Variants in TCF7L1 observed in about 807,000 individuals in gnomAD.
The protein encoded by TCF7L1 is transcription factor 7 like 1.
In TCF7L1, 18 loss-of-function variants were observed where a neutral mutation model predicts 63.7. That is an observed-to-expected ratio of 0.28 (90% CI 0.20 to 0.42). The LOEUF (loss-of-function observed/expected upper bound fraction) is 0.42, where lower values mean the gene tolerates loss of function less well. Among genes scored for constraint, TCF7L1 ranks in the 10% least tolerant of loss-of-function variants. TCF7L1 has a pLI of 1.00. For synonymous variants in TCF7L1, 355 were observed against 340.9 expected, an observed-to-expected ratio of 1.04 and a Z score of -0.46; for missense variants, 654 against 779.3, an observed-to-expected ratio of 0.84 and a Z score of 1.91.
rs545525498 is a variant in TCF7L1 at position 85,299,288 on chromosome 2, A to G, written c.526-3196A>G. 3.1e-3 allele frequency among the ~76,000 whole-genome samples: 473 copies of G among 152,116 alleles called. 1 individual carries two copies. The highest frequency in any genetic ancestry group is 0.011 in the African/African-American group (456 of 41,512). On this transcript the variant is annotated intron_variant, in intron 4 of 11. Coordinates refer to ENST00000282111, the MANE Select transcript of TCF7L1 (RefSeq NM_031283.3). ...GCAGAGGCTGGGCGTGGTGGCTCAC[A>G]CCTGTAATCCCAGCACTTTGGGAGG...
chr2:85,198,904 A>G (rs921172523), intron 3 of TCF7L1, among the ~76,000 whole-genome samples: 2 of 152,336 alleles, frequency 1.3e-5, no homozygotes, highest in Admixed American at 6.5e-5. Flanking sequence ...AGTGATCTAA[A>G]TAAGTGAGCA....
intron 4 of TCF7L1, among the ~76,000 whole-genome samples, chr2:85,289,659 T>C: frequency 6.6e-6 from 1 of 152,200 alleles, no homozygotes; most frequent in Admixed American, 6.5e-5. Context: ...TAAAAATAGA[T>C]AGACATAGAT....
chr2:85,274,945 C>T (rs1010499630), intron 3 of TCF7L1, among the ~76,000 whole-genome samples: 1 of 152,156 alleles, frequency 6.6e-6, no homozygotes, highest in Admixed American at 6.5e-5. Flanking sequence ...GACAGCCACA[C>T]GTGAGATAAT....
chr2:85,215,893 G>A (rs868420461), intron 3 of TCF7L1, among the ~76,000 whole-genome samples: 1 of 152,178 alleles, frequency 6.6e-6, no homozygotes, highest in South Asian at 2.1e-4. Context: ...AATTTGTTCA[G>A]GCAGTGAACA....
At chr2:85,256,531 AC>A (rs1445653632) in intron 3 of TCF7L1, among the ~76,000 whole-genome samples, 3 of 152,228 alleles carry the variant, frequency 2.0e-5, no homozygotes, top group Non-Finnish European at 2.9e-5. Context: ...ACAATCAATT[AC>A]ATATAACAGT....
intron 4 of TCF7L1, among the ~76,000 whole-genome samples, chr2:85,291,841 G>A (rs1184021790): frequency 1.3e-5 from 2 of 151,956 alleles, no homozygotes; most frequent in South Asian, 4.2e-4. Context: ...AAGTAGCTAG[G>A]ACTACAGGTG....
chr2:85,208,821 A>G (rs7557425), intron 3 of TCF7L1, among the ~76,000 whole-genome samples: 81,892 of 152,050 alleles, frequency 0.54, 22,774 homozygotes, highest in African/African-American at 0.67. Flanking sequence ...GTAATAGATC[A>G]TTGAAAATGT....
chr2:85,136,476 G>A (rs1677596850), intron 3 of TCF7L1, among the ~76,000 whole-genome samples: 2 of 150,808 alleles, frequency 1.3e-5, no homozygotes, highest in Admixed American at 6.6e-5. Flanking sequence ...CCAACCTTTC[G>A]TCTCTGCATG....
At chr2:85,236,252 G>A (rs1193891683) in intron 3 of TCF7L1, among the ~76,000 whole-genome samples, 2 of 152,140 alleles carry the variant, frequency 1.3e-5, no homozygotes, top group Admixed American at 6.5e-5. Flanking sequence ...AGCCCGGTCT[G>A]TATCAGTGAG....
At chr2:85,196,409 C>A (rs1679158044) in intron 3 of TCF7L1, among the ~76,000 whole-genome samples, 1 of 152,214 alleles carries the variant, frequency 6.6e-6, no homozygotes, top group Non-Finnish European at 1.5e-5. Flanking sequence ...TTATTCTGCA[C>A]ATTTACCTGT....
At chr2:85,220,469 G>A (rs769076751) in intron 3 of TCF7L1, among the ~76,000 whole-genome samples, 18 of 152,056 alleles carry the variant, frequency 1.2e-4, no homozygotes, top group Non-Finnish European at 2.4e-4. Context: ...AGGTTGAAGC[G>A]ATTCTCCTGC....
intron 3 of TCF7L1, among the ~76,000 whole-genome samples, chr2:85,239,853 G>A (rs1680282517): frequency 6.7e-6 from 1 of 150,270 alleles, no homozygotes; most frequent in African/African-American, 2.5e-5. Flanking sequence ...GGATGAGGCA[G>A]GAGAATCACT....
At chr2:85,183,010 G>A (rs2104252933) in intron 3 of TCF7L1, among the ~76,000 whole-genome samples, 1 of 152,322 alleles carries the variant, frequency 6.6e-6, no homozygotes, top group Middle Eastern at 3.4e-3. Context: ...CCTCACTAGA[G>A]CTTCTGCTTC....
chr2:85,254,195 G>A (rs932120269), intron 3 of TCF7L1, among the ~76,000 whole-genome samples: 6 of 152,242 alleles, frequency 3.9e-5, no homozygotes, highest in Admixed American at 2.6e-4. Flanking sequence ...CATCGGCCCC[G>A]CTCAAATTTT....
chr2:85,166,883 T>G (rs370803251), intron 3 of TCF7L1: 16 of 152,374 alleles, frequency 1.1e-4, no homozygotes, highest in African/African-American at 3.8e-4. Flanking sequence ...TTTAGATATC[T>G]GGCAATGCTG....
intron 4 of TCF7L1, among the ~76,000 whole-genome samples, chr2:85,290,739 A>G (rs1385429539): frequency 6.6e-6 from 1 of 152,148 alleles, no homozygotes; most frequent in African/African-American, 2.4e-5. Flanking sequence ...GTGTAGAGGG[A>G]GAAAGATTTA....
Position 85,134,367 on chromosome 2 carries a change from C to T in TCF7L1, c.358C>T (p.Pro120Ser), listed in dbSNP as rs369924732. 7.6e-6 allele frequency: 12 copies of T among 1,580,664 alleles called. No homozygotes were observed. In the African/African-American group the frequency reaches 1.6e-4, roughly 21 times the overall value. ...CGCGTTCTTTAAAGGACCCCCGTAC[C>T]CTGGGTACCCCTTCCTGATGATCCC... The part of the protein sequence containing the change: ...DSAFFKGPPY[P>S]GYPFLMIPDL... Residue 120 changes from proline (P) to serine (S), a missense_variant, in exon 3 of 12, where the codon CCT becomes TCT. This residue lies in a region of TCF7L1 where 404 missense variants were observed against 454.8 expected (regional missense o/e 0.89). Coordinates refer to ENST00000282111, the MANE Select transcript of TCF7L1 (RefSeq NM_031283.3). The surrounding 1 kb of genome is among the most constrained non-coding windows in gnomAD (Gnocchi z 5.0).
intron 3 of TCF7L1, among the ~76,000 whole-genome samples, chr2:85,231,388 T>TC (rs754441880): frequency 4.6e-5 from 7 of 152,238 alleles, no homozygotes; most frequent in Non-Finnish European, 1.0e-4. Flanking sequence ...AGTTATCTGG[T>TC]CCAACTATTT....
rs540853069 is a variant in TCF7L1 at position 85,160,611 on chromosome 2, G to A, written c.441+26161G>A. Among the ~76,000 whole-genome samples the A allele has an allele frequency of 4.6e-5, 7 of 152,184 alleles. 1 individual carries two copies. Among genetic ancestry groups the A allele is most frequent in the South Asian group, 4.1e-4 (2 of 4,824 alleles). On this transcript the variant is annotated intron_variant, in intron 3 of 11. Transcript: ENST00000282111. ...TCACACCTGTAATCCTAGCACTTTC[G>A]GAGGCCGAGGTGGGAGGCTCCTTGC...
Sources: gnomAD v4.1 joint callset for allele counts (sites outside exome capture counted in the v4.1 genomes callset) on GRCh38, gnomAD v4.1.1 for gene constraint, gnomAD v4.1.1 regional missense constraint, Gnocchi (gnomAD v3.1) non-coding constraint, MANE v1.5 for transcripts, NCBI Gene and HGNC (gene_info 2026-07-23, HGNC 2026-07-21) for gene names.